Variants in PAX3 observed in about 807,000 individuals in gnomAD.
The protein encoded by PAX3 is paired box 3, also known as paired box protein Pax-3.
In PAX3, 14 loss-of-function variants were observed where a neutral mutation model predicts 51.6. The observed-to-expected ratio is 0.27, with a 90% CI of 0.18 to 0.42. The LOEUF (loss-of-function observed/expected upper bound fraction) is 0.42, where lower values mean the gene tolerates loss of function less well. Ranked by LOEUF, PAX3 falls within the 10% of genes least tolerant of loss-of-function variation. The pLI is 1.00. For missense variants in PAX3, 540 were observed against 642.8 expected, an observed-to-expected ratio of 0.84 and a Z score of 1.73; for synonymous variants, 280 against 253.4, an observed-to-expected ratio of 1.11 and a Z score of -1.00.
intron 4 of PAX3, among the ~76,000 whole-genome samples, chr2:222,272,997 T>C (rs1351317231): frequency 6.6e-6 from 1 of 152,218 alleles, no homozygotes; most frequent in Non-Finnish European, 1.5e-5. Flanking sequence ...ATGTTCATTG[T>C]GAAAGAAAAT....
chr2:222,226,557 A>C (rs1443676299), intron 5 of PAX3, among the ~76,000 whole-genome samples: 1 of 151,994 alleles, frequency 6.6e-6, no homozygotes, highest in Non-Finnish European at 1.5e-5. Flanking sequence ...TTCATTACGG[A>C]GCTTAGGATA....
intron 7 of PAX3, among the ~76,000 whole-genome samples, chr2:222,218,033 G>T (rs1446239368): frequency 6.6e-6 from 1 of 152,198 alleles, no homozygotes; most frequent in East Asian, 1.9e-4. Context: ...ACTCAGTGGG[G>T]TTGCTACAAA....
chr2:222,260,591 GT>G (rs374339768), intron 4 of PAX3, among the ~76,000 whole-genome samples: 647 of 63,100 alleles, frequency 0.01, 26 homozygotes, highest in African/African-American at 0.04. Flanking sequence ...TTTTTTTTTT[GT>G]TTTTTTTTTT....
At chr2:222,212,914 TTAG>T (rs1461054292) in intron 7 of PAX3, among the ~76,000 whole-genome samples, 1 of 152,210 alleles carries the variant, frequency 6.6e-6, no homozygotes, top group Non-Finnish European at 1.5e-5. Context: ...TCCTAGTTGC[TTAG>T]TTATAGACTA....
chr2:222,279,034 T>G (rs2106171039), intron 4 of PAX3, among the ~76,000 whole-genome samples: 1 of 152,312 alleles, frequency 6.6e-6, no homozygotes, highest in South Asian at 2.1e-4. Flanking sequence ...CACTGCAACC[T>G]CTGCTTCCCA....
intron 4 of PAX3, chr2:222,293,781 A>G (rs774738401): frequency 7.4e-6 from 12 of 1,613,952 alleles, no homozygotes; most frequent in Non-Finnish European, 9.3e-6. Flanking sequence ...AGCTACTTCA[A>G]CTTCTGAAGA....
At chr2:222,270,701 A>G (rs1262369567) in intron 4 of PAX3, among the ~76,000 whole-genome samples, 2 of 152,174 alleles carry the variant, frequency 1.3e-5, no homozygotes, top group Non-Finnish European at 2.9e-5. Context: ...GGGCCTTCCA[A>G]TCTTGTGACA....
At chr2:222,242,817 T>A (rs1693066984) in intron 4 of PAX3, 1 of 152,208 alleles carries the variant, frequency 6.6e-6, no homozygotes, top group South Asian at 2.1e-4. Flanking sequence ...AAACCTTAGC[T>A]ATATTTACAG....
At chr2:222,277,140 C>T (rs1694448740) in intron 4 of PAX3, among the ~76,000 whole-genome samples, 1 of 151,286 alleles carries the variant, frequency 6.6e-6, no homozygotes, top group African/African-American at 2.4e-5. Context: ...ATTTAGGGGG[C>T]TCCTCTTGAA....
chr2:222,247,708 T>A (rs1236556545), intron 4 of PAX3, among the ~76,000 whole-genome samples: 1 of 151,838 alleles, frequency 6.6e-6, no homozygotes, highest in African/African-American at 2.4e-5. Context: ...GTAGCTAGAG[T>A]CCTCCTACCA....
chr2:222,266,690 C>T lies in PAX3; in HGVS notation c.586+27477G>A, dbSNP rs79542066. 1.8e-4 allele frequency among the ~76,000 whole-genome samples: 27 copies of T among 152,304 alleles called. 1 individual carries two copies. In the East Asian group the frequency reaches 4.4e-3, roughly 25 times the overall value. On this transcript the variant is annotated intron_variant, in intron 4 of 8. Transcript: ENST00000392070. ...ATTATTTCTGCTTTGTGGCTATCTG[C>T]CTGGCCCTTGAAGGGGAATGCCTGT...
chr2:222,298,246 C>A (rs1400403946), intron 1 of PAX3: 2 of 487,008 alleles, frequency 4.1e-6, no homozygotes, highest in Non-Finnish European at 7.4e-6. Flanking sequence ...AGCCGGTTCA[C>A]CTCCTTCTCC....
At chr2:222,231,987 TG>T in intron 5 of PAX3, 90 bp downstream of exon 5, 2 of 1,138,012 alleles carry the variant, frequency 1.8e-6, no homozygotes. Context: ...AATACATTTT[TG>T]GGGGGGATTG....
chr2:222,201,098 G>A lies in PAX3; in HGVS notation c.*310C>T, dbSNP rs1451467287. 1 of 1,476,864 alleles carries A rather than the reference G, an allele frequency of 6.8e-7. No individual in the cohort carries two copies. Among genetic ancestry groups the A allele is most frequent in the African/African-American group, 1.4e-5 (1 of 72,206 alleles). 91.5% of individuals were successfully genotyped at this position (1,476,864 alleles called of 1,614,324 possible). On this transcript the variant is annotated 3_prime_UTR_variant, in exon 9 of 9. Transcript: ENST00000392070. ...AAATGGAATGTTCTAGCTCCTCGAT[G>A]ATCAGCACTAAAGAATTGGGATGTT... is the stretch of plus-strand genomic sequence containing the variant.
intron 4 of PAX3, chr2:222,262,483 A>T (rs2106146340): frequency 6.6e-6 from 1 of 152,292 alleles, no homozygotes; most frequent in Non-Finnish European, 1.5e-5. Flanking sequence ...AGTTTGGCAG[A>T]TAATTTTATT....
At position 222,295,546 on chromosome 2, in the gene PAX3, G is replaced by C; in HGVS notation, c.433C>G (p.Arg145Gly). 6.2e-7 allele frequency: 1 copy of C among 1,614,178 alleles called. No individual in the cohort carries two copies. Among genetic ancestry groups the C allele is most frequent in the Non-Finnish European group, 8.5e-7 (1 of 1,180,026 alleles). Reference protein sequence around the residue: ...DKLLKDAVCDRNTVPSVSSIS... With the variant: ...DKLLKDAVCDGNTVPSVSSIS... ...CTAGTACCTGACGGCACGGTGTTTC[G>C]ATCACAGACCGCGTCCTTGAGTAAT... Residue 145 changes from arginine to glycine, a missense_variant, in exon 3 of 9, where the codon CGA becomes GGA. Arg to Gly is a moderately radical substitution (Grantham distance 125, BLOSUM62 -2). Transcript: ENST00000392070.
chr2:222,220,165 G>A lies in PAX3; in HGVS notation c.1148C>T (p.Thr383Ile), dbSNP rs1385065793. The A allele has an allele frequency of 1.2e-6, 2 of 1,613,828 alleles. No homozygotes were observed. Among genetic ancestry groups the A allele is most frequent in the African/African-American group, 1.3e-5 (1 of 75,014 alleles). The change falls in exon 7 of 9, where the codon ACC becomes ATC. Residue 383 changes from threonine (T) to isoleucine (I), a missense_variant. Physicochemically the swap from Thr to Ile is moderately conservative, Grantham distance 89. This residue lies in a region of PAX3 where 427 missense variants were observed against 483.6 expected (regional missense o/e 0.88). Coordinates refer to ENST00000392070, the MANE Select transcript of PAX3 (RefSeq NM_181458.4). ...PSGPSNPMNP[T>I]IGNGLSPQVM... is the part of the protein sequence containing the mutation. ...CTGAGGTGAGAGGCCATTGCCAATG[G>A]TGGGGTTCATGGGGTTGGAGGGCCC...
At chr2:222,257,431 T>A (rs1337974660) in intron 4 of PAX3, among the ~76,000 whole-genome samples, 1 of 152,204 alleles carries the variant, frequency 6.6e-6, no homozygotes, top group African/African-American at 2.4e-5. Flanking sequence ...CTACAAAAAA[T>A]TTGAAACTCC....
chr2:222,294,764 C>A (rs1428247969), intron 3 of PAX3, among the ~76,000 whole-genome samples: 1 of 118,278 alleles, frequency 8.5e-6, no homozygotes, highest in African/African-American at 3.1e-5. Context: ...CCGCGCCCCC[C>A]CCCACCCCCC....
Sources: allele counts gnomAD v4.1 joint callset (sites outside exome capture counted in the v4.1 genomes callset), GRCh38; gene constraint gnomAD v4.1.1; regional missense constraint gnomAD v4.1.1; transcripts MANE v1.5; gene names NCBI Gene and HGNC (gene_info 2026-07-23, HGNC 2026-07-21).